The following NFIA variants were observed in gnomAD, a reference collection of about 807,000 sequenced individuals.
The protein encoded by NFIA is nuclear factor I A.
NFIA carries 8 observed loss-of-function variants against 62.8 expected under a neutral mutation model. The ratio of observed to expected loss-of-function variants is 0.13; its 90% CI spans 0.07 to 0.23. NFIA has a LOEUF of 0.23. Among genes scored for constraint, NFIA ranks in the 10% least tolerant of loss-of-function variants. The probability of loss-of-function intolerance (pLI) is 1.00; values close to 1 mark genes in which losing one functional copy is unlikely to be tolerated. For synonymous variants in NFIA, 235 were observed against 238.1 expected, an observed-to-expected ratio of 0.99 and a Z score of 0.12; for missense variants, 410 against 642.1, an observed-to-expected ratio of 0.64 and a Z score of 3.91.
chr1:61,392,694 C>T (rs1363465828), intron 7 of NFIA, among the ~76,000 whole-genome samples: 1 of 152,246 alleles, frequency 6.6e-6, no homozygotes, highest in Non-Finnish European at 1.5e-5. Context: ...CTAAAGAGAG[C>T]TCTTCCGTAG....
At chr1:61,204,550 C>T (rs185913108) in intron 2 of NFIA, among the ~76,000 whole-genome samples, 203 of 152,034 alleles carry the variant, frequency 1.3e-3, no homozygotes, top group Non-Finnish European at 1.5e-3. Flanking sequence ...TACGTAAGTT[C>T]CATTTTATTT....
intron 2 of NFIA, among the ~76,000 whole-genome samples, chr1:61,142,605 A>C (rs1647613230): frequency 6.6e-6 from 1 of 152,300 alleles, no homozygotes. Flanking sequence ...TGAACACAGG[A>C]TTATGAAATT....
chr1:61,081,829 TCTATTCC>T, upstream of NFIA: 1 of 1,497,952 alleles, frequency 6.7e-7, no homozygotes, highest in Admixed American at 2.1e-5. Flanking sequence ...TGCCGACGAA[TCTATTCC>T]CACAGAAAGC....
chr1:61,438,346 C>T (rs1667424339), intron 10 of NFIA, among the ~76,000 whole-genome samples: 1 of 152,126 alleles, frequency 6.6e-6, no homozygotes, highest in South Asian at 2.1e-4. Flanking sequence ...CCTTTTCAGC[C>T]CTCAGGAGGG....
chr1:61,185,030 A>G (rs909331372), intron 2 of NFIA, among the ~76,000 whole-genome samples: 3 of 152,228 alleles, frequency 2.0e-5, no homozygotes, highest in African/African-American at 7.2e-5. Context: ...AGATTTAAAC[A>G]CTTTTAAAAG....
At chr1:61,404,007 G>A (rs573167944) in intron 7 of NFIA, 97 bp from the exon 8 acceptor site, 36 of 1,379,266 alleles carry the variant, frequency 2.6e-5, no homozygotes, top group Non-Finnish European at 1.8e-5. Context: ...ATTGTGAATC[G>A]GGCCAGGAAG....
intron 2 of NFIA, among the ~76,000 whole-genome samples, chr1:61,238,231 A>G (rs961537191): frequency 4.6e-5 from 7 of 152,142 alleles, no homozygotes. Context: ...ATTAACTTAG[A>G]GTTTTCTGTG....
At chr1:61,428,930 G>C (rs1051307641) in intron 10 of NFIA, among the ~76,000 whole-genome samples, 1 of 152,138 alleles carries the variant, frequency 6.6e-6, no homozygotes, top group African/African-American at 2.4e-5. Context: ...GAATTGAAGA[G>C]TCACCCAAGC....
At chr1:61,172,048 T>C (rs1650001615) in intron 2 of NFIA, among the ~76,000 whole-genome samples, 1 of 152,202 alleles carries the variant, frequency 6.6e-6, no homozygotes, top group Non-Finnish European at 1.5e-5. Context: ...CAGTAATTTA[T>C]GGATCTTTCT....
intron 7 of NFIA, among the ~76,000 whole-genome samples, chr1:61,388,981 G>T (rs1038083585): frequency 6.6e-6 from 1 of 152,014 alleles, no homozygotes; most frequent in Non-Finnish European, 1.5e-5. Context: ...GAGCATAGTG[G>T]TAGAGACCTG....
At chr1:61,099,798 A>G (rs886654333) in intron 2 of NFIA, among the ~76,000 whole-genome samples, 1 of 152,214 alleles carries the variant, frequency 6.6e-6, no homozygotes, top group Admixed American at 6.5e-5. Flanking sequence ...TATTATTTAA[A>G]TTATCTTTTC....
At chr1:61,289,985 G>A (rs953210445) in intron 3 of NFIA, among the ~76,000 whole-genome samples, 2 of 149,900 alleles carry the variant, frequency 1.3e-5, no homozygotes, top group Non-Finnish European at 3.0e-5. Context: ...CATGAACTAG[G>A]TGCCAGGGAC....
chr1:61,423,481 TAGTTCTACCTAC>T (rs1479720634), intron 9 of NFIA, among the ~76,000 whole-genome samples: 1 of 152,214 alleles, frequency 6.6e-6, no homozygotes, highest in African/African-American at 2.4e-5. Context: ...TTATTTTTCA[TAGTTCTACCTAC>T]AGCTTTGATT....
At chr1:61,127,258 C>A (rs1420239483) in intron 2 of NFIA, among the ~76,000 whole-genome samples, 1 of 151,630 alleles carries the variant, frequency 6.6e-6, no homozygotes, top group Non-Finnish European at 1.5e-5. Flanking sequence ...GAGATCGAGA[C>A]CATCCTGGCT....
upstream of NFIA, chr1:61,081,996 G>C: frequency 6.4e-7 from 1 of 1,550,480 alleles, no homozygotes; most frequent in Non-Finnish European, 8.7e-7. Context: ...CCCACGCGGT[G>C]GCCCGGGGGG....
chr1:61,394,670 A>T (rs1557754738), intron 7 of NFIA, among the ~76,000 whole-genome samples: 1 of 152,036 alleles, frequency 6.6e-6, no homozygotes, highest in Non-Finnish European at 1.5e-5. Flanking sequence ...CTGACATGAA[A>T]ACTTGGTACC....
rs1301959889 is a variant in NFIA at position 61,209,030 on chromosome 1, A to G, written c.560-68490A>G. On this transcript the variant is annotated intron_variant, in intron 2 of 10. Transcript: ENST00000403491. Reference sequence around the variant, plus strand: ...CCAGCGCTGCCTGGGAGGAGGATGAATTTCCTGCTGTACTGGAGTAGCCCT... The same window carrying G: ...CCAGCGCTGCCTGGGAGGAGGATGAGTTTCCTGCTGTACTGGAGTAGCCCT... Among the ~76,000 whole-genome samples the G allele has an allele frequency of 2.0e-5, 3 of 152,106 alleles. No individual in the cohort carries two copies. In the East Asian group the frequency reaches 5.8e-4, roughly 29 times the overall value.
chr1:61,300,161 G>A (rs925895674), intron 3 of NFIA, among the ~76,000 whole-genome samples: 1 of 152,068 alleles, frequency 6.6e-6, no homozygotes, highest in African/African-American at 2.4e-5. Context: ...ATGCTTACCA[G>A]TAAGATACAA....
At chr1:61,402,512 G>A (rs1665619129) in intron 7 of NFIA, among the ~76,000 whole-genome samples, 1 of 152,134 alleles carries the variant, frequency 6.6e-6, no homozygotes, top group Non-Finnish European at 1.5e-5. Flanking sequence ...ACTCAGTTCT[G>A]GGGATATTGC....
Sources: allele counts gnomAD v4.1 joint callset (sites outside exome capture counted in the v4.1 genomes callset), GRCh38; gene constraint gnomAD v4.1.1; transcripts MANE v1.5; gene names NCBI Gene and HGNC (gene_info 2026-07-23, HGNC 2026-07-21).